NCALD: variants seen among roughly 807,000 people sequenced by gnomAD.
The protein encoded by NCALD is neurocalcin-delta.
NCALD carries 10 observed loss-of-function variants against 18.6 expected under a neutral mutation model. The ratio of observed to expected loss-of-function variants is 0.54; its 90% CI spans 0.33 to 0.91. The LOEUF is 0.91. Ranked by LOEUF, NCALD falls within the 40% of genes least tolerant of loss-of-function variation. NCALD has a pLI of 0.03. For synonymous variants in NCALD, 88 were observed against 87.4 expected (o/e 1.01, Z -0.04); for missense variants, 184 against 247.6 (o/e 0.74, Z 1.72).
At chr8:101,944,741 C>A (rs1819102012) in intron 2 of NCALD, among the ~76,000 whole-genome samples, 1 of 152,164 alleles carries the variant, frequency 6.6e-6, no homozygotes, top group South Asian at 2.1e-4. Flanking sequence ...TGGCAGCCCT[C>A]TTTAACTATG....
At chr8:101,924,371 A>G (rs1818268698) in intron 2 of NCALD, among the ~76,000 whole-genome samples, 1 of 152,224 alleles carries the variant, frequency 6.6e-6, no homozygotes, top group Non-Finnish European at 1.5e-5. Flanking sequence ...ATTGAGCGGC[A>G]CAGTATATTC....
chr8:101,815,430 G>C (rs1232381113), intron 4 of NCALD, among the ~76,000 whole-genome samples: 1 of 152,028 alleles, frequency 6.6e-6, no homozygotes, highest in African/African-American at 2.4e-5. Context: ...AATAAATCTA[G>C]AAAAAGGACT....
At chr8:101,855,168 G>A (rs16868553) in intron 4 of NCALD, among the ~76,000 whole-genome samples, 2,041 of 152,264 alleles carry the variant, frequency 0.013, 56 homozygotes, top group African/African-American at 0.044. Flanking sequence ...ACAGGAAGAA[G>A]AGTAGTTGCA....
At chr8:101,896,259 T>C (rs1817166094) in intron 3 of NCALD, among the ~76,000 whole-genome samples, 1 of 151,940 alleles carries the variant, frequency 6.6e-6, no homozygotes, top group Non-Finnish European at 1.5e-5. Context: ...AAACAAGCAA[T>C]GGGGAAAGGA....
intron 1 of NCALD, among the ~76,000 whole-genome samples, chr8:101,726,283 C>A (rs1417303862): frequency 6.6e-6 from 1 of 152,144 alleles, no homozygotes; most frequent in Non-Finnish European, 1.5e-5. Context: ...TATATCCTAA[C>A]AGGACCACTC....
chr8:102,061,613 T>C (rs1321389691), intron 1 of NCALD, among the ~76,000 whole-genome samples: 8 of 152,184 alleles, frequency 5.3e-5, no homozygotes, highest in Admixed American at 5.2e-4. Context: ...GAAATTTTGC[T>C]GCTGATTCCC....
chr8:101,972,174 T>C (rs1468751514), intron 2 of NCALD, among the ~76,000 whole-genome samples: 1 of 152,076 alleles, frequency 6.6e-6, no homozygotes, highest in Non-Finnish European at 1.5e-5. Flanking sequence ...AAGGCACAAG[T>C]CAAGAACACG....
At chr8:101,906,175 G>A (rs1423577319) in intron 3 of NCALD, among the ~76,000 whole-genome samples, 2 of 152,144 alleles carry the variant, frequency 1.3e-5, no homozygotes, top group African/African-American at 4.8e-5. Flanking sequence ...GACCACACCT[G>A]CTGCTTCTCT....
chr8:101,844,689 A>C (rs1281988327), intron 4 of NCALD, among the ~76,000 whole-genome samples: 1 of 152,084 alleles, frequency 6.6e-6, no homozygotes, highest in East Asian at 1.9e-4. Context: ...TCTTAAGCTC[A>C]AGAGCAATGT....
chr8:102,046,275 T>C (rs1823234946), intron 1 of NCALD, among the ~76,000 whole-genome samples: 1 of 152,188 alleles, frequency 6.6e-6, no homozygotes, highest in African/African-American at 2.4e-5. Flanking sequence ...TCCTTTCCTT[T>C]ACCATATCTC....
At chr8:101,987,205 C>T (rs1820845142) in intron 2 of NCALD, among the ~76,000 whole-genome samples, 1 of 152,142 alleles carries the variant, frequency 6.6e-6, no homozygotes, top group African/African-American at 2.4e-5. Context: ...CTACAGAAAA[C>T]GGGGCGACTA....
intron 1 of NCALD, among the ~76,000 whole-genome samples, chr8:101,780,647 T>C (rs1280795806): frequency 6.6e-6 from 1 of 152,056 alleles, no homozygotes. Flanking sequence ...TGTACAATAG[T>C]AATGGTTGCA....
intron 1 of NCALD, among the ~76,000 whole-genome samples, chr8:102,088,199 T>C (rs1824804009): frequency 6.6e-6 from 1 of 152,220 alleles, no homozygotes; most frequent in Non-Finnish European, 1.5e-5. Context: ...CATGTGGCCA[T>C]GCTTTCTCTT....
intron 3 of NCALD, among the ~76,000 whole-genome samples, chr8:101,906,851 C>T (rs766629031): frequency 8.6e-5 from 13 of 152,006 alleles, no homozygotes; most frequent in Non-Finnish European, 1.5e-4. Flanking sequence ...CACTTTTAGG[C>T]GCAAGATTTA....
chr8:101,933,468 A>G (rs562853891), intron 2 of NCALD, among the ~76,000 whole-genome samples: 109 of 152,316 alleles, frequency 7.2e-4, no homozygotes, highest in Middle Eastern at 3.4e-3. Flanking sequence ...TGCCACCTTC[A>G]TTTTAGCCCA....
intron 1 of NCALD, among the ~76,000 whole-genome samples, chr8:102,020,778 A>G (rs1822246255): frequency 1.3e-5 from 2 of 152,136 alleles, no homozygotes; most frequent in Admixed American, 1.3e-4. Context: ...CATGACATCT[A>G]AGGCACTTCA....
intron 4 of NCALD, among the ~76,000 whole-genome samples, chr8:101,820,561 TA>T (rs1813679725): frequency 6.6e-6 from 1 of 152,270 alleles, no homozygotes; most frequent in South Asian, 2.1e-4. Flanking sequence ...TTTTATACTG[TA>T]AAAAAATTAA....
At chr8:101,973,991 C>T (rs1820332549) in intron 2 of NCALD, among the ~76,000 whole-genome samples, 1 of 152,120 alleles carries the variant, frequency 6.6e-6, no homozygotes, top group Non-Finnish European at 1.5e-5. Flanking sequence ...GCCTGATAAT[C>T]CTTCTAGTCT....
intron 1 of NCALD, among the ~76,000 whole-genome samples, chr8:102,115,981 G>A (rs1017095716): frequency 8.5e-5 from 13 of 152,208 alleles, no homozygotes; most frequent in African/African-American, 2.9e-4. Context: ...AGTAAAGGAC[G>A]GTAGATTTTA....
Sources: gnomAD v4.1 joint callset for allele counts (sites outside exome capture counted in the v4.1 genomes callset) on GRCh38, gnomAD v4.1.1 for gene constraint, MANE v1.5 for transcripts, NCBI Gene and HGNC (gene_info 2026-07-23, HGNC 2026-07-21) for gene names.